The following CCDC85A variants were observed in gnomAD, a reference collection of about 807,000 sequenced individuals.
CCDC85A encodes the protein coiled-coil domain containing 85A.
A neutral mutation model predicts 50.2 loss-of-function variants in CCDC85A; 38 were observed. That is an observed-to-expected ratio of 0.76 (90% confidence interval 0.58 to 0.99). The LOEUF is 0.99. Ranked by LOEUF, CCDC85A falls within the 50% of genes least tolerant of loss-of-function variation. CCDC85A has a pLI of 0.00. For synonymous variants in CCDC85A, 366 were observed against 301.4 expected, an observed-to-expected ratio of 1.21 and a Z score of -2.22; for missense variants, 820 against 742.0, an observed-to-expected ratio of 1.11 and a Z score of -1.22.
chr2:56,203,368 T>C lies in CCDC85A; in HGVS notation c.1240+9928T>C, dbSNP rs540193896. The stretch of plus-strand genomic sequence containing the variant: ...GAAGAACAGGCTTGAAAATTGTGTT[T>C]TTTTTTTTTCTGTATCTCTTTAGCA... On this transcript the variant is annotated intron_variant, in intron 2 of 5. Coordinates refer to ENST00000407595, the MANE Select transcript of CCDC85A (RefSeq NM_001080433.2). Among the ~76,000 whole-genome samples, 11 of 152,098 alleles carry C rather than the reference T, an allele frequency of 7.2e-5. No individual in the cohort carries two copies. In the South Asian group the frequency reaches 8.3e-4, roughly 11 times the overall value.
chr2:56,247,286 G>A (rs1008481610), intron 2 of CCDC85A, among the ~76,000 whole-genome samples: 9 of 152,176 alleles, frequency 5.9e-5, no homozygotes, highest in Non-Finnish European at 1.3e-4. Context: ...CTCATATCCA[G>A]TGATAGTGAA....
chr2:56,229,591 G>A (rs1668692076), intron 2 of CCDC85A, among the ~76,000 whole-genome samples: 1 of 152,122 alleles, frequency 6.6e-6, no homozygotes, highest in South Asian at 2.1e-4. Context: ...AACAGAAAAA[G>A]GAGAGGCATG....
chr2:56,279,631 G>A (rs543761267), intron 2 of CCDC85A, among the ~76,000 whole-genome samples: 17 of 152,176 alleles, frequency 1.1e-4, no homozygotes, highest in African/African-American at 3.9e-4. Flanking sequence ...TCTTCTATGA[G>A]ATCAACTTTT....
intron 1 of CCDC85A, among the ~76,000 whole-genome samples, chr2:56,187,580 G>A (rs772483173): frequency 1.3e-5 from 2 of 152,118 alleles, no homozygotes; most frequent in Non-Finnish European, 2.9e-5. Flanking sequence ...ATCTGCTCAT[G>A]GGGATTTTAA....
At chr2:56,231,391 G>T (rs1668765988) in intron 2 of CCDC85A, among the ~76,000 whole-genome samples, 1 of 152,172 alleles carries the variant, frequency 6.6e-6, no homozygotes, top group Non-Finnish European at 1.5e-5. Flanking sequence ...CAGTGAAACA[G>T]CTGGAGTTAA....
At chr2:56,215,828 G>T (rs1335159812) in intron 2 of CCDC85A, among the ~76,000 whole-genome samples, 2 of 151,876 alleles carry the variant, frequency 1.3e-5, no homozygotes, top group East Asian at 3.9e-4. Flanking sequence ...CCTGTTGCCT[G>T]TTTTTACATG....
chr2:56,282,876 G>A (rs1448830557), intron 2 of CCDC85A, among the ~76,000 whole-genome samples: 1 of 152,178 alleles, frequency 6.6e-6, no homozygotes. Context: ...TAGAATAGTA[G>A]CACTGCACAT....
chr2:56,342,006 A>G (rs1016685089), intron 2 of CCDC85A, among the ~76,000 whole-genome samples: 1 of 151,468 alleles, frequency 6.6e-6, no homozygotes, highest in Non-Finnish European at 1.5e-5. Context: ...TTTTTAATGT[A>G]GCTTTGTAGT....
chr2:56,333,507 T>G (rs889903401), intron 2 of CCDC85A, among the ~76,000 whole-genome samples: 3 of 152,162 alleles, frequency 2.0e-5, no homozygotes, highest in Non-Finnish European at 4.4e-5. Context: ...GGCCTTAATT[T>G]GGAGCAAAAT....
intron 3 of CCDC85A, among the ~76,000 whole-genome samples, chr2:56,348,830 T>A (rs1338941818): frequency 6.6e-6 from 1 of 152,240 alleles, no homozygotes; most frequent in East Asian, 1.9e-4. Flanking sequence ...GCTGTGGCGA[T>A]AGATATGTAT....
intron 3 of CCDC85A, among the ~76,000 whole-genome samples, chr2:56,354,911 T>C (rs141888772): frequency 1.4e-3 from 206 of 152,308 alleles, no homozygotes; most frequent in African/African-American, 4.7e-3. Context: ...ATTGTAAACA[T>C]AGCGTTACTG....
In CCDC85A at chr2:56,189,445, C is replaced by G. The variant is rs183720732; in HGVS notation, c.277-3032C>G. ...TACCTGGGATTACAGGCACGTGTCACCATGCTTGGCTAATTTTTGTATTTT... is the reference window on the plus strand; with the variant it reads ...TACCTGGGATTACAGGCACGTGTCAGCATGCTTGGCTAATTTTTGTATTTT... On this transcript the variant is annotated intron_variant, in intron 1 of 5. Coordinates refer to ENST00000407595, the MANE Select transcript of CCDC85A (RefSeq NM_001080433.2). 2.6e-5 allele frequency among the ~76,000 whole-genome samples: 4 copies of G among 151,952 alleles called. No homozygotes were observed. The East Asian group carries it at 7.7e-4, about 29-fold the overall frequency.
At chr2:56,271,475 C>T (rs561386446) in intron 2 of CCDC85A, among the ~76,000 whole-genome samples, 4 of 152,226 alleles carry the variant, frequency 2.6e-5, no homozygotes, top group South Asian at 4.2e-4. Context: ...TTGTGTTATG[C>T]AAGCTGCTTG....
intron 2 of CCDC85A, among the ~76,000 whole-genome samples, chr2:56,241,175 A>G (rs1669239896): frequency 6.6e-6 from 1 of 152,012 alleles, no homozygotes; most frequent in Non-Finnish European, 1.5e-5. Flanking sequence ...CCCTTTGGCC[A>G]TTTTTAATTT....
At chr2:56,276,341 G>A (rs1670942703) in intron 2 of CCDC85A, among the ~76,000 whole-genome samples, 1 of 152,084 alleles carries the variant, frequency 6.6e-6, no homozygotes, top group Non-Finnish European at 1.5e-5. Flanking sequence ...GGCTAGAGGG[G>A]CCCAGGGTGG....
At position 56,192,450 on chromosome 2, in the gene CCDC85A, CT is replaced by C. The variant is rs1483051182; in HGVS notation, c.277-25del. The C allele has an allele frequency of 6.3e-7, 1 of 1,581,632 alleles. No individual in the cohort carries two copies. The highest frequency in any genetic ancestry group is 8.6e-7 in the Non-Finnish European group (1 of 1,164,154). On this transcript the variant is annotated intron_variant, in intron 1 of 5. Coordinates refer to ENST00000407595, the MANE Select transcript of CCDC85A (RefSeq NM_001080433.2). The surrounding 1 kb of genome is among the most constrained non-coding windows in gnomAD (Gnocchi z 4.7). ...GCTGACACCTCAGATGTGTACTTCC[CT>C]TGAATGGTTGTGTCTCTCTTTTCAG...
At position 56,229,360 on chromosome 2, in the gene CCDC85A, A is replaced by G. The variant is rs191719841; in HGVS notation, c.1240+35920A>G. 2.8e-3 allele frequency among the ~76,000 whole-genome samples: 422 copies of G among 152,164 alleles called. 3 individuals carry two copies. The highest frequency in any genetic ancestry group is 9.7e-3 in the African/African-American group (404 of 41,514). ...TGGCTGAGTTTTTTGGACATGTGTG[A>G]TGTTTTCTTTAGTTTTTATAAAGGA... is the stretch of plus-strand genomic sequence containing the variant. On this transcript the variant is annotated intron_variant, in intron 2 of 5. Coordinates refer to ENST00000407595, the MANE Select transcript of CCDC85A (RefSeq NM_001080433.2).
At chr2:56,191,368 T>G (rs1016718622) in intron 1 of CCDC85A, among the ~76,000 whole-genome samples, 2 of 152,190 alleles carry the variant, frequency 1.3e-5, no homozygotes, top group Admixed American at 6.5e-5. Context: ...GACTGGTACC[T>G]GGTACAGTAA....
chr2:56,186,338 G>A (rs148212340), intron 1 of CCDC85A, among the ~76,000 whole-genome samples: 120 of 152,318 alleles, frequency 7.9e-4, no homozygotes, highest in Non-Finnish European at 1.4e-3. Flanking sequence ...TTTGCCAGGA[G>A]GGTGAGCTTG....
Sources: allele counts gnomAD v4.1 joint callset (sites outside exome capture counted in the v4.1 genomes callset), GRCh38; gene constraint gnomAD v4.1.1; non-coding constraint Gnocchi (gnomAD v3.1); transcripts MANE v1.5; gene names NCBI Gene and HGNC (gene_info 2026-07-23, HGNC 2026-07-21).